OSBPL6: variants seen among roughly 807,000 people sequenced by gnomAD.
The protein encoded by OSBPL6 is oxysterol binding protein like 6.
Under a neutral mutation model 125.8 loss-of-function variants are expected in OSBPL6, and 49 were observed. The ratio of observed to expected loss-of-function variants is 0.39; its 90% CI spans 0.31 to 0.49. The LOEUF (loss-of-function observed/expected upper bound fraction) is 0.49. Among genes scored for constraint, OSBPL6 ranks in the 20% least tolerant of loss-of-function variants. The pLI, the probability that OSBPL6 is intolerant of heterozygous loss-of-function variation, is 0.88. For synonymous variants in OSBPL6, 394 were observed against 391.8 expected (o/e 1.01, Z -0.07); for missense variants, 986 against 1,135.4 (o/e 0.87, Z 1.89).
rs549300820 is a variant in OSBPL6 at position 178,277,092 on chromosome 2, A to G, written c.-350-7835A>G. ...AATATTCACTGATCTGGACCTTTAC[A>G]GAAAGTTTGCTAACTCTTTCTTTAG... On this transcript the variant is annotated intron_variant, in intron 1 of 24. Transcript: ENST00000190611. 4.4e-4 allele frequency among the ~76,000 whole-genome samples: 67 copies of G among 152,346 alleles called. 1 individual carries two copies. Among genetic ancestry groups the G allele is most frequent in the Middle Eastern group, 6.8e-3 (2 of 294 alleles).
intron 13 of OSBPL6, among the ~76,000 whole-genome samples, chr2:178,368,869 G>A (rs554421789): frequency 2.6e-5 from 4 of 151,334 alleles, no homozygotes; most frequent in Admixed American, 2.6e-4. Flanking sequence ...CACAGTCTTG[G>A]CTCAGTGCAG....
At chr2:178,386,942 A>G in intron 19 of OSBPL6, 119 bp from the exon 20 acceptor site, 10 of 566,524 alleles carry the variant, frequency 1.8e-5, no homozygotes, top group South Asian at 2.7e-5. Context: ...TAAATCAGCA[A>G]TATAGAATCA....
chr2:178,248,883 A>T (rs144322902), intron 1 of OSBPL6, among the ~76,000 whole-genome samples: 219 of 152,096 alleles, frequency 1.4e-3, no homozygotes, highest in Middle Eastern at 0.01. Context: ...ATTTTCTGTT[A>T]TTATTTCTCC....
chr2:178,328,624 A>G (rs968193346), intron 5 of OSBPL6, among the ~76,000 whole-genome samples: 2 of 152,144 alleles, frequency 1.3e-5, no homozygotes, highest in Non-Finnish European at 2.9e-5. Context: ...AGTAGCTAGG[A>G]CTACAGGTGC....
intron 11 of OSBPL6, among the ~76,000 whole-genome samples, chr2:178,346,217 A>T (rs536669529): frequency 6.6e-6 from 1 of 152,326 alleles, no homozygotes; most frequent in Admixed American, 6.5e-5. Flanking sequence ...GGAGACTGGA[A>T]AAAGATAAAT....
In OSBPL6 at chr2:178,378,121, G is replaced by A. The variant is rs542051970; in HGVS notation, c.1533+4094G>A. On this transcript the variant is annotated intron_variant, in intron 15 of 24. Coordinates refer to ENST00000190611, the MANE Select transcript of OSBPL6 (RefSeq NM_032523.4). ...TGGGACTACAGGCATGAGCCACTGC[G>A]CCTGGCCTCCTCTGACCTTTTGTAT... Among the ~76,000 whole-genome samples the A allele has an allele frequency of 1.5e-4, 23 of 152,206 alleles. No individual in the cohort carries two copies. The South Asian group carries it at 3.5e-3, about 23-fold the overall frequency.
chr2:178,208,571 G>A (rs2089663095), intron 1 of OSBPL6, among the ~76,000 whole-genome samples: 1 of 151,468 alleles, frequency 6.6e-6, no homozygotes, highest in Admixed American at 6.6e-5. Flanking sequence ...CTCCTGTATT[G>A]GATCTCCTGC....
intron 1 of OSBPL6, among the ~76,000 whole-genome samples, chr2:178,230,896 T>C (rs949677846): frequency 6.6e-6 from 1 of 152,214 alleles, no homozygotes; most frequent in Non-Finnish European, 1.5e-5. Flanking sequence ...TTTCACTTTC[T>C]GATTTATAAT....
At chr2:178,282,082 C>T (rs903756243) in intron 1 of OSBPL6, among the ~76,000 whole-genome samples, 17 of 152,174 alleles carry the variant, frequency 1.1e-4, no homozygotes, top group Admixed American at 2.0e-4. Flanking sequence ...ACAAATAGAA[C>T]TGACCAAAAG....
chr2:178,287,378 G>A (rs1324980113), intron 2 of OSBPL6, among the ~76,000 whole-genome samples: 2 of 151,650 alleles, frequency 1.3e-5, no homozygotes, highest in African/African-American at 4.8e-5. Context: ...CCAATGGGTG[G>A]GATTTTTATT....
chr2:178,200,245 AC>A (rs201410670), intron 1 of OSBPL6, among the ~76,000 whole-genome samples: 3,603 of 134,690 alleles, frequency 0.027, 73 homozygotes, highest in South Asian at 0.079. Context: ...GTTTCTTCAG[AC>A]CTTTTTTTTT....
At chr2:178,322,069 A>G (rs1688292379) in intron 3 of OSBPL6, among the ~76,000 whole-genome samples, 1 of 152,228 alleles carries the variant, frequency 6.6e-6, no homozygotes, top group Non-Finnish European at 1.5e-5. Context: ...CTATACAGGA[A>G]AAATTTATTT....
At chr2:178,310,006 C>T (rs1309729147) in intron 3 of OSBPL6, among the ~76,000 whole-genome samples, 3 of 152,148 alleles carry the variant, frequency 2.0e-5, no homozygotes, top group East Asian at 1.9e-4. Flanking sequence ...CGATAAGTCC[C>T]GAAGTAAGAA....
intron 19 of OSBPL6, 40 bp from the exon 20 acceptor site, chr2:178,387,021 A>T (rs371414452): frequency 7.5e-7 from 1 of 1,338,860 alleles, no homozygotes; most frequent in Non-Finnish European, 1.1e-6. Context: ...GTGATTAGAT[A>T]TGGGGTATGT....
At chr2:178,216,386 C>T (rs908742060) in intron 1 of OSBPL6, among the ~76,000 whole-genome samples, 1 of 152,194 alleles carries the variant, frequency 6.6e-6, no homozygotes, top group African/African-American at 2.4e-5. Context: ...AAGACTCTCA[C>T]TGACCATATC....
At chr2:178,268,195 C>T (rs1368139513) in intron 1 of OSBPL6, among the ~76,000 whole-genome samples, 1 of 151,398 alleles carries the variant, frequency 6.6e-6, no homozygotes, top group East Asian at 1.9e-4. Flanking sequence ...GTTTCTTCTG[C>T]CTCAGTCTCC....
At position 178,391,174 on chromosome 2, in the gene OSBPL6, C is replaced by A. The variant is rs374479995; in HGVS notation, c.2403C>A (p.Leu801=). Residue 801 remains leucine (L), a synonymous_variant, in exon 22 of 25, where the codon CTC becomes CTA. Transcript: ENST00000190611. The part of the protein sequence containing the change: ...YRLFGKWHEG[L]YCGVAPSAKC... ...TGTTTGGAAAGTGGCATGAAGGACTCTACTGTGGTGTGGCCCCCTCTGCAA... is the reference window on the plus strand; with the variant it reads ...TGTTTGGAAAGTGGCATGAAGGACTATACTGTGGTGTGGCCCCCTCTGCAA... The A allele has an allele frequency of 1.9e-6, 3 of 1,613,324 alleles. No homozygotes were observed. The African/African-American group carries it at 4.0e-5, about 22-fold the overall frequency.
In OSBPL6 at chr2:178,194,575, G is replaced by T. The variant is rs1229874277; in HGVS notation, c.-450G>T. On this transcript the variant is annotated 5_prime_UTR_variant, in exon 1 of 25. Transcript: ENST00000190611. ...CATGCCTCCTCTCCTCCACTAGCCC[G>T]CGCGCCAGTCCGCCTGCCGGGGCCG... The T allele has an allele frequency of 6.6e-6, 1 of 152,510 alleles. No homozygotes were observed. Among genetic ancestry groups the T allele is most frequent in the African/African-American group, 2.4e-5 (1 of 41,430 alleles). The allele number at this position is 152,510 out of a possible 1,614,324, so 9.4% of individuals were successfully genotyped here.
intron 1 of OSBPL6, among the ~76,000 whole-genome samples, chr2:178,201,371 A>G (rs2089250475): frequency 6.6e-6 from 1 of 151,950 alleles, no homozygotes; most frequent in South Asian, 2.1e-4. Flanking sequence ...CAAGAGACAT[A>G]TTTTCTTATT....
Sources: gnomAD v4.1 joint callset for allele counts (sites outside exome capture counted in the v4.1 genomes callset) on GRCh38, gnomAD v4.1.1 for gene constraint, MANE v1.5 for transcripts, NCBI Gene and HGNC (gene_info 2026-07-23, HGNC 2026-07-21) for gene names.